The following PGGT1B variants were observed in gnomAD, a reference collection of about 807,000 sequenced individuals.
PGGT1B encodes the protein geranylgeranyl transferase type-1 subunit beta.
Under a neutral mutation model 46.1 loss-of-function variants are expected in PGGT1B, and 30 were observed. The observed-to-expected ratio is 0.65, with a 90% CI of 0.49 to 0.88. The LOEUF (loss-of-function observed/expected upper bound fraction) is 0.88. Ranked by LOEUF, PGGT1B falls within the 40% of genes least tolerant of loss-of-function variation. PGGT1B has a pLI of 0.00. For missense variants in PGGT1B, 376 were observed against 455.9 expected, an observed-to-expected ratio of 0.82 and a Z score of 1.60; for synonymous variants, 170 against 160.0, an observed-to-expected ratio of 1.06 and a Z score of -0.47.
chr5:115,244,802 G>A (rs1243925177), intron 2 of PGGT1B, among the ~76,000 whole-genome samples: 2 of 151,896 alleles, frequency 1.3e-5, no homozygotes, highest in Admixed American at 6.6e-5. Context: ...TGTTGGCCAG[G>A]CTGGTCTCGA....
At chr5:115,252,053 C>A (rs1338896840) in intron 2 of PGGT1B, among the ~76,000 whole-genome samples, 2 of 152,096 alleles carry the variant, frequency 1.3e-5, no homozygotes, top group East Asian at 3.8e-4. Context: ...TATCACAGCT[C>A]TTCTCTACAG....
At chr5:115,252,968 G>T in intron 2 of PGGT1B, 169 bp downstream of exon 2, 2 of 581,002 alleles carry the variant, frequency 3.4e-6, no homozygotes, top group Non-Finnish European at 5.9e-6. Flanking sequence ...ATTATGATCA[G>T]ATTTGTTAAG....
At chr5:115,262,562 G>A (rs543019237) in intron 1 of PGGT1B, 150 bp downstream of exon 1, 1 of 805,894 alleles carries the variant, frequency 1.2e-6, no homozygotes, top group African/African-American at 1.7e-5. Flanking sequence ...GGGAGAGTGG[G>A]GGTAACCTCA....
intron 3 of PGGT1B, among the ~76,000 whole-genome samples, chr5:115,238,862 CA>C (rs1218870344): frequency 1.3e-5 from 2 of 152,120 alleles, no homozygotes; most frequent in African/African-American, 4.8e-5. Flanking sequence ...AAGTGCAAGG[CA>C]AATATCAGAC....
chr5:115,257,491 T>C (rs919053577), intron 1 of PGGT1B, among the ~76,000 whole-genome samples: 6 of 140,318 alleles, frequency 4.3e-5, no homozygotes, highest in Non-Finnish European at 6.0e-5. Context: ...GATCGTGCCA[T>C]TGCACTCCAG....
rs146881763 is a variant in PGGT1B at position 115,221,872 on chromosome 5, A to T, written c.795T>A (p.Asn265Lys). The change falls in exon 7 of 9, where the codon AAT (asparagine) becomes AAA (lysine). Residue 265 changes from asparagine (N) to lysine (K), a missense_variant. Around this residue, in one of 2 missense-constraint regions of PGGT1B, gnomAD observed 222 missense variants for 313.6 expected, o/e 0.71. Coordinates refer to ENST00000419445, the MANE Select transcript of PGGT1B (RefSeq NM_005023.4). ...RQQNGYHGRPNKPVDTCYSFW... is the reference protein window; with the variant it reads ...RQQNGYHGRPKKPVDTCYSFW... ...AAGAATAACAGGTGTCTACAGGCTT[A>T]TTAGGTCTTCCATGATAACCATTTT... The T allele has an allele frequency of 6.2e-7, 1 of 1,609,046 alleles. No homozygotes were observed. The highest frequency in any genetic ancestry group is 1.3e-5 in the African/African-American group (1 of 74,602).
intron 8 of PGGT1B, among the ~76,000 whole-genome samples, chr5:115,214,922 A>AG (rs1429505306): frequency 1.3e-5 from 2 of 152,216 alleles, no homozygotes; most frequent in Non-Finnish European, 2.9e-5. Flanking sequence ...ATTTTGCTTG[A>AG]GAAATTAACT....
chr5:115,256,173 G>A (rs1748303618), intron 1 of PGGT1B, among the ~76,000 whole-genome samples: 2 of 152,288 alleles, frequency 1.3e-5, no homozygotes, highest in African/African-American at 2.4e-5. Context: ...TGTCACAGTG[G>A]AGGAGGGAGT....
chr5:115,233,902 T>C (rs1375928395), intron 5 of PGGT1B, among the ~76,000 whole-genome samples: 2 of 152,022 alleles, frequency 1.3e-5, no homozygotes, highest in Admixed American at 6.6e-5. Context: ...AAATTACATA[T>C]GCATTTACCT....
chr5:115,240,399 T>C (rs1757312852), intron 3 of PGGT1B, among the ~76,000 whole-genome samples: 2 of 152,198 alleles, frequency 1.3e-5, no homozygotes, highest in Non-Finnish European at 1.5e-5. Flanking sequence ...ACGGTCATCA[T>C]AACTAGTGGC....
chr5:115,253,314 T>C, intron 1 of PGGT1B, 59 bp from the exon 2 acceptor site: 1 of 1,346,584 alleles, frequency 7.4e-7, no homozygotes, highest in Non-Finnish European at 1.0e-6. Flanking sequence ...GTCTGAAGTC[T>C]TCCTGGTCTA....
chr5:115,217,060 T>G, intron 7 of PGGT1B, 87 bp from the exon 8 acceptor site: 1 of 683,044 alleles, frequency 1.5e-6, no homozygotes, highest in South Asian at 1.7e-5. Context: ...CATTTAGATA[T>G]GCTTTTCTTT....
chr5:115,215,806 T>G (rs1046283662), intron 8 of PGGT1B, among the ~76,000 whole-genome samples: 2 of 152,212 alleles, frequency 1.3e-5, no homozygotes, highest in African/African-American at 4.8e-5. Context: ...ATTGCAATAC[T>G]GGCAAAAACA....
At chr5:115,224,694 A>T (rs1383412161) in intron 6 of PGGT1B, among the ~76,000 whole-genome samples, 1 of 151,948 alleles carries the variant, frequency 6.6e-6, no homozygotes, top group African/African-American at 2.4e-5. Flanking sequence ...ACATAAGGAG[A>T]CCCTGTCTCT....
intron 1 of PGGT1B, among the ~76,000 whole-genome samples, 186 bp from the exon 2 acceptor site, chr5:115,253,441 T>C (rs964165365): frequency 6.6e-6 from 1 of 151,992 alleles, no homozygotes; most frequent in African/African-American, 2.4e-5. Context: ...TCAAGCCTTT[T>C]GTTTCAATTT....
In PGGT1B at chr5:115,210,160, T is replaced by A. The variant is rs1580737412; in HGVS notation, c.*2242A>T. The stretch of plus-strand genomic sequence containing the variant: ...CTGATTAATCTCATTTGTACACAGA[T>A]GCTCAAAATAAAGCTCCTCCTCCTA... On this transcript the variant is annotated 3_prime_UTR_variant, in exon 9 of 9. Transcript: ENST00000419445. 1 of 152,004 alleles carries A rather than the reference T, an allele frequency of 6.6e-6. No homozygotes were observed. Among genetic ancestry groups the A allele is most frequent in the South Asian group, 2.1e-4 (1 of 4,822 alleles). The allele number at this position is 152,004 out of a possible 1,614,324, so 9.4% of individuals were successfully genotyped here.
chr5:115,255,463 A>T (rs1411104570), intron 1 of PGGT1B, among the ~76,000 whole-genome samples: 1 of 152,198 alleles, frequency 6.6e-6, no homozygotes, highest in East Asian at 1.9e-4. Context: ...CCTCCCGGAG[A>T]GCTCTAACAG....
intron 3 of PGGT1B, among the ~76,000 whole-genome samples, chr5:115,238,291 ATTTTTTTTTTTTTT>A (rs35711954): frequency 1.1e-4 from 5 of 46,966 alleles, no homozygotes; most frequent in African/African-American, 3.9e-4. Flanking sequence ...ATTTTTTTGG[ATTTTTTTTTTTTTT>A]TTTTTTTTTT....
chr5:115,219,106 C>A (rs546104790), intron 7 of PGGT1B, among the ~76,000 whole-genome samples: 21 of 151,756 alleles, frequency 1.4e-4, no homozygotes, highest in Non-Finnish European at 2.4e-4. Flanking sequence ...AAGTCAATTA[C>A]CAGATTCATA....
Sources: allele counts gnomAD v4.1 joint callset (sites outside exome capture counted in the v4.1 genomes callset), GRCh38; gene constraint gnomAD v4.1.1; regional missense constraint gnomAD v4.1.1; transcripts MANE v1.5; gene names NCBI Gene and HGNC (gene_info 2026-07-23, HGNC 2026-07-21).